Variants in OSBPL6 observed in about 807,000 individuals in gnomAD.
OSBPL6 encodes the protein oxysterol binding protein like 6.
OSBPL6 carries 49 observed loss-of-function variants against 125.8 expected under a neutral mutation model. That is an observed-to-expected ratio of 0.39 (90% CI 0.31 to 0.49). The LOEUF (loss-of-function observed/expected upper bound fraction) is 0.49. Ranked by LOEUF, OSBPL6 falls within the 20% of genes least tolerant of loss-of-function variation. The pLI, the probability that OSBPL6 is intolerant of heterozygous loss-of-function variation, is 0.88. For synonymous variants in OSBPL6, 394 were observed against 391.8 expected (o/e 1.01, Z -0.07); for missense variants, 986 against 1,135.4 (o/e 0.87, Z 1.89).
chr2:178,208,290 A>G (rs1282156761), intron 1 of OSBPL6, among the ~76,000 whole-genome samples: 1 of 151,836 alleles, frequency 6.6e-6, no homozygotes. Flanking sequence ...TGTCTAAAAA[A>G]AAAAAAAAAG....
At chr2:178,351,304 A>T (rs1691232860) in intron 12 of OSBPL6, among the ~76,000 whole-genome samples, 1 of 152,186 alleles carries the variant, frequency 6.6e-6, no homozygotes, top group Admixed American at 6.5e-5. Context: ...AAGTAAAATG[A>T]TCTCTATTTG....
chr2:178,348,920 G>A (rs1352147350), intron 11 of OSBPL6, among the ~76,000 whole-genome samples: 1 of 152,168 alleles, frequency 6.6e-6, no homozygotes, highest in Non-Finnish European at 1.5e-5. Context: ...TTTTTGAGGT[G>A]CAAGTATGAG....
chr2:178,235,952 C>T (rs574347512), intron 1 of OSBPL6, among the ~76,000 whole-genome samples: 26 of 152,022 alleles, frequency 1.7e-4, no homozygotes, highest in African/African-American at 6.0e-4. Flanking sequence ...TTTATTTTTA[C>T]GTTAGATTCA....
At chr2:178,201,934 C>G (rs56249302) in intron 1 of OSBPL6, among the ~76,000 whole-genome samples, 6,122 of 152,252 alleles carry the variant, frequency 0.04, 183 homozygotes, top group South Asian at 0.091. Flanking sequence ...AAGATCAAGT[C>G]ACATAGTAGG....
At chr2:178,368,804 C>T (rs1364984642) in intron 13 of OSBPL6, among the ~76,000 whole-genome samples, 1 of 146,278 alleles carries the variant, frequency 6.8e-6, no homozygotes, top group East Asian at 2.0e-4. Flanking sequence ...AAAAAAAATC[C>T]TTTTTTTTTT....
chr2:178,222,642 T>C (rs968676511), intron 1 of OSBPL6, among the ~76,000 whole-genome samples: 64 of 152,126 alleles, frequency 4.2e-4, no homozygotes, highest in African/African-American at 1.4e-3. Flanking sequence ...GCAAGACTCG[T>C]CTCAAAAATA....
At chr2:178,277,541 C>T (rs1300729600) in intron 1 of OSBPL6, among the ~76,000 whole-genome samples, 1 of 152,184 alleles carries the variant, frequency 6.6e-6, no homozygotes, top group Non-Finnish European at 1.5e-5. Context: ...AAAAAATTGG[C>T]TAAATGGTAG....
intron 1 of OSBPL6, among the ~76,000 whole-genome samples, chr2:178,234,973 T>TAA (rs1490580205): frequency 6.6e-6 from 1 of 152,220 alleles, no homozygotes; most frequent in African/African-American, 2.4e-5. Flanking sequence ...CACTCACTCT[T>TAA]ACCACCTTAT....
intron 13 of OSBPL6, among the ~76,000 whole-genome samples, chr2:178,367,284 A>G (rs2154102188): frequency 6.6e-6 from 1 of 152,346 alleles, no homozygotes; most frequent in Non-Finnish European, 1.5e-5. Flanking sequence ...TTCCAAATAT[A>G]CTATAATGGT....
chr2:178,328,591 G>A (rs955888352), intron 5 of OSBPL6, among the ~76,000 whole-genome samples: 6 of 152,114 alleles, frequency 3.9e-5, no homozygotes, highest in African/African-American at 7.2e-5. Flanking sequence ...AGGTTCAAGC[G>A]ATTCTTCCAC....
intron 12 of OSBPL6, among the ~76,000 whole-genome samples, chr2:178,352,660 G>C (rs766002048): frequency 6.6e-6 from 1 of 152,166 alleles, no homozygotes; most frequent in African/African-American, 2.4e-5. Flanking sequence ...TGTGGTCAGG[G>C]CATAGTTGAA....
intron 18 of OSBPL6, among the ~76,000 whole-genome samples, chr2:178,384,508 G>A (rs1694759427): frequency 6.6e-6 from 1 of 152,150 alleles, no homozygotes; most frequent in South Asian, 2.1e-4. Context: ...CTTGGAAATG[G>A]AGACTTCCAG....
Position 178,339,569 on chromosome 2 carries a change from T to G in OSBPL6, c.895-103T>G, listed in dbSNP as rs947978618. On this transcript the variant is annotated intron_variant, in intron 10 of 24. Coordinates refer to ENST00000190611, the MANE Select transcript of OSBPL6 (RefSeq NM_032523.4). ...TGTCCTGGCTGGTTTGCTTATAGGCTCTAACAATGACCTTTAGTAACTTGC... is the reference window on the plus strand; with the variant it reads ...TGTCCTGGCTGGTTTGCTTATAGGCGCTAACAATGACCTTTAGTAACTTGC... The G allele has an allele frequency of 1.8e-5, 15 of 843,888 alleles. No homozygotes were observed. The African/African-American group carries it at 2.3e-4, about 13-fold the overall frequency. The allele number at this position is 843,888 out of a possible 1,614,324, so 52.3% of individuals were successfully genotyped here. A position where few individuals can be genotyped will look rare whatever the true frequency, so the allele number is the denominator to read the frequency against.
chr2:178,294,466 A>G (rs1685551281), intron 2 of OSBPL6, among the ~76,000 whole-genome samples: 1 of 152,176 alleles, frequency 6.6e-6, no homozygotes, highest in African/African-American at 2.4e-5. Flanking sequence ...GTTTTTTGAA[A>G]GGTACAATTA....
At chr2:178,268,131 A>G (rs901874531) in intron 1 of OSBPL6, among the ~76,000 whole-genome samples, 8 of 147,132 alleles carry the variant, frequency 5.4e-5, no homozygotes, top group Non-Finnish European at 1.0e-4. Flanking sequence ...TGCCCAGGCT[A>G]GAGTGCAATG....
chr2:178,344,598 C>T (rs1690530836), intron 11 of OSBPL6, among the ~76,000 whole-genome samples: 1 of 152,094 alleles, frequency 6.6e-6, no homozygotes. Flanking sequence ...TACATGAAGA[C>T]ATAATTTAAG....
chr2:178,286,253 C>A (rs1684686432), intron 2 of OSBPL6, among the ~76,000 whole-genome samples: 1 of 152,102 alleles, frequency 6.6e-6, no homozygotes, highest in Admixed American at 6.6e-5. Context: ...TTGTTACTAT[C>A]CTAGTAACTG....
chr2:178,215,272 C>G (rs1203481779), intron 1 of OSBPL6, among the ~76,000 whole-genome samples: 1 of 152,124 alleles, frequency 6.6e-6, no homozygotes, highest in Admixed American at 6.5e-5. Context: ...TAACCTCATT[C>G]CTCTGCTATC....
At chr2:178,238,802 A>G (rs749685237) in intron 1 of OSBPL6, among the ~76,000 whole-genome samples, 2 of 152,190 alleles carry the variant, frequency 1.3e-5, no homozygotes, top group Non-Finnish European at 2.9e-5. Context: ...CTTGGAACAT[A>G]TCCCCCCAAA....
Sources: gnomAD v4.1 joint callset for allele counts (sites outside exome capture counted in the v4.1 genomes callset) on GRCh38, gnomAD v4.1.1 for gene constraint, MANE v1.5 for transcripts, NCBI Gene and HGNC (gene_info 2026-07-23, HGNC 2026-07-21) for gene names.